ANKRD11: variants seen among roughly 807,000 people sequenced by gnomAD.
The protein encoded by ANKRD11 is ankyrin repeat domain-containing protein 11.
In ANKRD11, 17 loss-of-function variants were observed where a neutral mutation model predicts 195.7. That is an observed-to-expected ratio of 0.09 (90% CI 0.06 to 0.13). The LOEUF (loss-of-function observed/expected upper bound fraction) is 0.13, where lower values mean the gene tolerates loss of function less well. ANKRD11 is among the 10% of genes least tolerant of loss of function. The pLI is 1.00. For missense variants in ANKRD11, 3,735 were observed against 3,566.1 expected, an observed-to-expected ratio of 1.05 and a Z score of -1.21; for synonymous variants, 1,953 against 1,528.1, an observed-to-expected ratio of 1.28 and a Z score of -6.49.
chr16:89,369,761 C>T (rs1038888074), intron 2 of ANKRD11, among the ~76,000 whole-genome samples: 1 of 152,182 alleles, frequency 6.6e-6, no homozygotes, highest in Non-Finnish European at 1.5e-5. Flanking sequence ...AAACAGCTGT[C>T]TAAGACCAGA....
intron 7 of ANKRD11, chr16:89,287,932 G>C: frequency 2.3e-6 from 1 of 427,576 alleles, no homozygotes; most frequent in Admixed American, 3.9e-5. Context: ...TCTCCACGGA[G>C]CTCTGATGAA....
intron 3 of ANKRD11, among the ~76,000 whole-genome samples, chr16:89,314,425 TAAAC>T (rs993182372): frequency 6.6e-6 from 1 of 152,074 alleles, no homozygotes; most frequent in Non-Finnish European, 1.5e-5. Flanking sequence ...CTCTTCTCCT[TAAAC>T]AAGAGAACAA....
intron 2 of ANKRD11, among the ~76,000 whole-genome samples, chr16:89,383,066 C>T (rs753906549): frequency 2.6e-5 from 4 of 152,332 alleles, no homozygotes; most frequent in South Asian, 4.1e-4. Flanking sequence ...ATACCTCTCT[C>T]GTCTGGATTC....
At chr16:89,271,254 TAA>T (rs2033127736) in intron 11 of ANKRD11, 3 of 326,928 alleles carry the variant, frequency 9.2e-6, no homozygotes. Context: ...TTTTTTTTTT[TAA>T]GAGACAGAGT....
At chr16:89,471,772 G>C (rs932067481) in intron 1 of ANKRD11, among the ~76,000 whole-genome samples, 2 of 110,418 alleles carry the variant, frequency 1.8e-5, no homozygotes, top group African/African-American at 3.8e-5. Flanking sequence ...GCGACAGTGA[G>C]ACTCTGTCTC....
chr16:89,372,612 A>G (rs2040243104), intron 2 of ANKRD11, among the ~76,000 whole-genome samples: 1 of 152,228 alleles, frequency 6.6e-6, no homozygotes, highest in African/African-American at 2.4e-5. Context: ...AAATTAAAAT[A>G]CTGAAATTAA....
chr16:89,289,773 G>A (rs1180636025), intron 6 of ANKRD11, among the ~76,000 whole-genome samples: 1 of 152,258 alleles, frequency 6.6e-6, no homozygotes, highest in Non-Finnish European at 1.5e-5. Context: ...AGGCATGGGG[G>A]CTCACAGCTA....
intron 2 of ANKRD11, among the ~76,000 whole-genome samples, chr16:89,365,625 G>A (rs1050825263): frequency 6.6e-6 from 1 of 152,142 alleles, no homozygotes; most frequent in Non-Finnish European, 1.5e-5. Context: ...CTCAAGAAAG[G>A]GAAGAGCAGT....
At chr16:89,480,733 G>A (rs561533628) in intron 1 of ANKRD11, among the ~76,000 whole-genome samples, 5 of 152,080 alleles carry the variant, frequency 3.3e-5, no homozygotes, top group African/African-American at 1.2e-4. Context: ...ATTTTACACT[G>A]TCCTGACAAA....
chr16:89,433,342 G>GA (rs2043079203), intron 1 of ANKRD11, among the ~76,000 whole-genome samples: 1 of 152,224 alleles, frequency 6.6e-6, no homozygotes, highest in Non-Finnish European at 1.5e-5. Context: ...TTTCTAGGAA[G>GA]AAAGTGTCCG....
chr16:89,346,250 G>GAAAAAAAAAAAAAAAAAA (rs35573539), intron 2 of ANKRD11, among the ~76,000 whole-genome samples: 1 of 96,880 alleles, frequency 1.0e-5, no homozygotes. Flanking sequence ...CCCGTCTCAG[G>GAAAAAAAAAAAAAAAAAA]AAAAAAAAAA....
intron 2 of ANKRD11, among the ~76,000 whole-genome samples, chr16:89,334,156 A>C (rs1398107414): frequency 1.4e-5 from 2 of 138,498 alleles, no homozygotes; most frequent in African/African-American, 2.7e-5. Flanking sequence ...AAAAAAAAAA[A>C]AAAAAAAAAA....
chr16:89,291,747 A>G lies in ANKRD11; in HGVS notation c.227-564T>C. Reference sequence around the variant, plus strand: ...GCTTCGAGGAGCGTACCAGCCTTGCAGCACCACAACAGGGACTGGGCTGGA... The same window carrying G: ...GCTTCGAGGAGCGTACCAGCCTTGCGGCACCACAACAGGGACTGGGCTGGA... On this transcript the variant is annotated intron_variant, in intron 4 of 12. Coordinates refer to ENST00000301030, the MANE Select transcript of ANKRD11 (RefSeq NM_013275.6). This position sits in a 1 kb window ranked among gnomAD's most constrained non-coding sequence, Gnocchi z 5.3. The G allele has an allele frequency of 7.8e-7, 1 of 1,289,862 alleles. No homozygotes were observed. Among genetic ancestry groups the G allele is most frequent in the South Asian group, 1.2e-5 (1 of 81,030 alleles). The allele number at this position is 1,289,862 out of a possible 1,614,324, so 79.9% of individuals were successfully genotyped here. A position where few individuals can be genotyped will look rare whatever the true frequency, so the allele number is the denominator to read the frequency against.
intron 2 of ANKRD11, chr16:89,322,995 C>T: frequency 3.4e-6 from 1 of 296,476 alleles, no homozygotes; most frequent in Non-Finnish European, 6.6e-6. Flanking sequence ...AGGCCCGTGG[C>T]ACCATGCCCG....
intron 1 of ANKRD11, among the ~76,000 whole-genome samples, chr16:89,456,587 A>T (rs1567830851): frequency 6.6e-6 from 1 of 152,084 alleles, no homozygotes; most frequent in Non-Finnish European, 1.5e-5. Flanking sequence ...GTCAATCAAG[A>T]CAGGATGGGT....
At chr16:89,410,499 A>G (rs2042071686) in intron 2 of ANKRD11, among the ~76,000 whole-genome samples, 1 of 152,128 alleles carries the variant, frequency 6.6e-6, no homozygotes, top group Non-Finnish European at 1.5e-5. Context: ...GTCAGGAACC[A>G]CGCAGAGCCA....
At chr16:89,403,496 A>G (rs1319091897) in intron 2 of ANKRD11, 1 of 152,222 alleles carries the variant, frequency 6.6e-6, no homozygotes, top group Non-Finnish European at 1.5e-5. Flanking sequence ...CAGGAAGCCC[A>G]CACATAAAGC....
chr16:89,471,370 G>T (rs777791707), intron 1 of ANKRD11, among the ~76,000 whole-genome samples: 2 of 152,058 alleles, frequency 1.3e-5, no homozygotes, highest in African/African-American at 4.8e-5. Flanking sequence ...AGGAATTCAC[G>T]AGACGGCAAG....
chr16:89,326,915 G>C (rs1448562476), intron 2 of ANKRD11, among the ~76,000 whole-genome samples: 2 of 152,332 alleles, frequency 1.3e-5, no homozygotes, highest in African/African-American at 2.4e-5. Context: ...GGACTAAGGA[G>C]GTTCCACAGA....
Sources: gnomAD v4.1 joint callset for allele counts (sites outside exome capture counted in the v4.1 genomes callset) on GRCh38, gnomAD v4.1.1 for gene constraint, Gnocchi (gnomAD v3.1) non-coding constraint, MANE v1.5 for transcripts, NCBI Gene and HGNC (gene_info 2026-07-23, HGNC 2026-07-21) for gene names.